Variants in PPFIA3 observed in about 807,000 individuals in gnomAD.
PPFIA3 encodes the protein liprin-alpha-3.
Under a neutral mutation model 145.8 loss-of-function variants are expected in PPFIA3, and 26 were observed. The observed-to-expected ratio is 0.18, with a 90% CI of 0.13 to 0.25. PPFIA3 has a LOEUF of 0.25. Ranked by LOEUF, PPFIA3 falls within the 10% of genes least tolerant of loss-of-function variation. The pLI, the probability that PPFIA3 is intolerant of heterozygous loss-of-function variation, is 1.00. For synonymous variants in PPFIA3, 645 were observed against 661.4 expected (o/e 0.98, Z 0.38); for missense variants, 1,008 against 1,587.8 (o/e 0.63, Z 6.21).
chr19:49,130,234 C>CTCCT lies in PPFIA3; in HGVS notation c.658-141_658-138dup. 8.9e-7 allele frequency: 1 copy of CTCCT among 1,124,244 alleles called. No individual in the cohort carries two copies. The highest frequency in any genetic ancestry group is 1.3e-6 in the Non-Finnish European group (1 of 798,854). 69.6% of individuals were successfully genotyped at this position (1,124,244 alleles called of 1,614,324 possible). A position where few individuals can be genotyped will look rare whatever the true frequency, so the allele number is the denominator to read the frequency against. ...AGGTCACCTAGCGAACTTCTGTGACCTCCTTCACTGACCCCCGTGGACTCT... is the reference window on the plus strand; with the variant it reads ...AGGTCACCTAGCGAACTTCTGTGACCTCCTTCCTTCACTGACCCCCGTGGACTCT... On this transcript the variant is annotated intron_variant, in intron 6 of 29. Coordinates refer to ENST00000334186, the MANE Select transcript of PPFIA3 (RefSeq NM_003660.4). The surrounding 1 kb of genome is among the most constrained non-coding windows in gnomAD (Gnocchi z 4.5).
At chr19:49,123,526 C>T (rs996843454) in intron 1 of PPFIA3, among the ~76,000 whole-genome samples, 16 of 151,696 alleles carry the variant, frequency 1.1e-4, no homozygotes, top group Admixed American at 4.6e-4. Flanking sequence ...CTGCAACCTC[C>T]GCCTCCCGTG....
At position 49,146,151 on chromosome 19, in the gene PPFIA3, C is replaced by T; in HGVS notation, c.2809-15C>T. 5.6e-6 allele frequency: 9 copies of T among 1,614,186 alleles called. No individual in the cohort carries two copies. Among genetic ancestry groups the T allele is most frequent in the Non-Finnish European group, 7.6e-6 (9 of 1,180,020 alleles). On this transcript the variant is annotated splice_polypyrimidine_tract_variant and intron_variant, in intron 22 of 29. Coordinates refer to ENST00000334186, the MANE Select transcript of PPFIA3 (RefSeq NM_003660.4). ...AACTCACCCCTTCTCTCCCCTCTTC[C>T]TACTAACGGGTCAGGAGACCAAGGA...
chr19:49,127,473 CCTGTAGTCGCAG>C (rs1047037202), intron 1 of PPFIA3, among the ~76,000 whole-genome samples: 2 of 150,268 alleles, frequency 1.3e-5, no homozygotes, highest in Admixed American at 1.3e-4. Context: ...CTGGTGTGTG[CCTGTAGTCGCAG>C]CTACTCAGGA....
At chr19:49,144,444 T>G (rs201088036) in intron 21 of PPFIA3, among the ~76,000 whole-genome samples, 2 of 152,212 alleles carry the variant, frequency 1.3e-5, no homozygotes, top group East Asian at 3.8e-4. Flanking sequence ...CCAAGCACTG[T>G]GGCTCACACC....
At chr19:49,146,110 C>G in intron 22 of PPFIA3, 56 bp from the exon 23 acceptor site, 2 of 1,611,696 alleles carry the variant, frequency 1.2e-6, no homozygotes, top group Non-Finnish European at 1.7e-6. Flanking sequence ...CTTGCGTCCT[C>G]CTCTGCCTGC....
chr19:49,119,987 C>T (rs191115451), intron 1 of PPFIA3, among the ~76,000 whole-genome samples: 1 of 152,134 alleles, frequency 6.6e-6, no homozygotes, highest in Non-Finnish European at 1.5e-5. Context: ...CCCGGGACCC[C>T]TCCTAGAGCC....
chr19:49,132,009 CAAA>C (rs34793375), intron 7 of PPFIA3, among the ~76,000 whole-genome samples: 4 of 69,886 alleles, frequency 5.7e-5, no homozygotes, highest in Non-Finnish European at 9.4e-5. Context: ...GACTCCGTCT[CAAA>C]AAAAAAAAAA....
In PPFIA3 at chr19:49,150,859, C is replaced by T. The variant is rs1437153108; in HGVS notation, c.*637C>T. On this transcript the variant is annotated 3_prime_UTR_variant, in exon 30 of 30. Coordinates refer to ENST00000334186, the MANE Select transcript of PPFIA3 (RefSeq NM_003660.4). Reference sequence around the variant, plus strand: ...GGCGCAGAATGGCGCTTCCCCTTCTCCTCTGGCTCCGGGGTTTGCATGGGA... The same window carrying T: ...GGCGCAGAATGGCGCTTCCCCTTCTTCTCTGGCTCCGGGGTTTGCATGGGA... The T allele has an allele frequency of 6.3e-6, 1 of 159,184 alleles. No homozygotes were observed. The highest frequency in any genetic ancestry group is 1.4e-5 in the Non-Finnish European group (1 of 72,732). The allele number at this position is 159,184 out of a possible 1,614,324, so 9.9% of individuals were successfully genotyped here. A position where few individuals can be genotyped will look rare whatever the true frequency, so the allele number is the denominator to read the frequency against.
chr19:49,149,057 T>C lies in PPFIA3; in HGVS notation c.3174T>C (p.Phe1058=), dbSNP rs775059470. ...TGTCCGGGCTGGGCCTGAAGGAATT[T>C]GCCACGAACCTCACGGAGAGCGGGG... The part of the protein sequence containing the change: ...GWVSGLGLKE[F]ATNLTESGVH... The change falls in exon 26 of 30, where the codon TTT becomes TTC. Residue 1058 remains phenylalanine (F), a synonymous_variant. Transcript: ENST00000334186. The surrounding 1 kb of genome is among the most constrained non-coding windows in gnomAD (Gnocchi z 5.7). 1 of 1,614,122 alleles carries C rather than the reference T, an allele frequency of 6.2e-7. No homozygotes were observed. Among genetic ancestry groups the C allele is most frequent in the East Asian group, 2.2e-5 (1 of 44,872 alleles).
At chr19:49,143,052 C>A in intron 21 of PPFIA3, 48 bp downstream of exon 21, 1 of 1,575,228 alleles carries the variant, frequency 6.3e-7, no homozygotes. Flanking sequence ...CAGAGCCCCG[C>A]CTCTTGCCCT....
intron 15 of PPFIA3, 106 bp downstream of exon 15, chr19:49,137,017 T>C (rs2041146661): frequency 9.1e-7 from 1 of 1,099,744 alleles, no homozygotes; most frequent in Non-Finnish European, 1.2e-6. Context: ...TCTTACACCA[T>C]CCACAAGGAA....
In PPFIA3 at chr19:49,150,285, T is replaced by C; in HGVS notation, c.*63T>C. On this transcript the variant is annotated 3_prime_UTR_variant, in exon 30 of 30. Transcript: ENST00000334186. ...CTTCCCGAGGCTGGGCTGTTCCCTC[T>C]CCTGCCCGGACTGTGGCCTCGCCGG... The C allele has an allele frequency of 1.2e-6, 1 of 868,628 alleles. No individual in the cohort carries two copies. The highest frequency in any genetic ancestry group is 1.7e-6 in the Non-Finnish European group (1 of 576,792). 53.8% of individuals were successfully genotyped at this position (868,628 alleles called of 1,614,324 possible).
rs1193630592 is a variant in PPFIA3 at position 49,145,931 on chromosome 19, C to T, written c.2746-12C>T. ...CCTCTCCCACCATCCATTAACACTC[C>T]CTGCCCCTCAGTCCACAGGAAACGT... On this transcript the variant is annotated splice_polypyrimidine_tract_variant and intron_variant, in intron 21 of 29. Coordinates refer to ENST00000334186, the MANE Select transcript of PPFIA3 (RefSeq NM_003660.4). 1 of 1,613,616 alleles carries T rather than the reference C, an allele frequency of 6.2e-7. No homozygotes were observed. Among genetic ancestry groups the T allele is most frequent in the Admixed American group, 1.7e-5 (1 of 60,024 alleles).
In PPFIA3 at chr19:49,128,260, C is replaced by T; in HGVS notation, c.241-107C>T. 1 of 1,492,316 alleles carries T rather than the reference C, an allele frequency of 6.7e-7. No individual in the cohort carries two copies. The allele number at this position is 1,492,316 out of a possible 1,614,324, so 92.4% of individuals were successfully genotyped here. On this transcript the variant is annotated intron_variant, in intron 2 of 29. Coordinates refer to ENST00000334186, the MANE Select transcript of PPFIA3 (RefSeq NM_003660.4). This position sits in a 1 kb window ranked among gnomAD's most constrained non-coding sequence, Gnocchi z 4.1. Reference sequence around the variant, plus strand: ...GCGGGGCCTGAGTGGCAAGGGACAGCGGGACTTAGCAGGGAGGGCGGGACC... The same window carrying T: ...GCGGGGCCTGAGTGGCAAGGGACAGTGGGACTTAGCAGGGAGGGCGGGACC...
intron 19 of PPFIA3, 102 bp downstream of exon 19, chr19:49,141,615 TGA>T (rs919834150): frequency 2.4e-5 from 22 of 912,894 alleles, no homozygotes; most frequent in African/African-American, 1.2e-4. Flanking sequence ...TGTGTGTGTG[TGA>T]GAGGGTGTGT....
chr19:49,144,493 C>G (rs879418642), intron 21 of PPFIA3, among the ~76,000 whole-genome samples: 2 of 152,012 alleles, frequency 1.3e-5, no homozygotes, highest in Admixed American at 6.6e-5. Flanking sequence ...GATGGCCGAT[C>G]TCTTGAACCC....
At chr19:49,122,333 C>G (rs1475759991) in intron 1 of PPFIA3, among the ~76,000 whole-genome samples, 2 of 152,028 alleles carry the variant, frequency 1.3e-5, no homozygotes, top group Non-Finnish European at 2.9e-5. Context: ...TCACCTGCCT[C>G]GGCCTCCCAA....
At chr19:49,131,115 C>T (rs1380356547) in intron 7 of PPFIA3, among the ~76,000 whole-genome samples, 7 of 148,484 alleles carry the variant, frequency 4.7e-5, no homozygotes, top group African/African-American at 1.5e-4. Context: ...CCGCCCACCT[C>T]GGCCTCCCAA....
rs771832372 is a variant in PPFIA3, at chr19:49,149,517, C to A, written c.3355-30C>A. The A allele has an allele frequency of 2.5e-6, 4 of 1,613,406 alleles. No individual in the cohort carries two copies. Among genetic ancestry groups the A allele is most frequent in the Non-Finnish European group, 3.4e-6 (4 of 1,179,730 alleles). ...GGCGGAGTCAGACAAGGCAGGAGTC[C>A]CTCACCGGCTGTCCGGCTCCTATAC... On this transcript the variant is annotated intron_variant, in intron 27 of 29. Coordinates refer to ENST00000334186, the MANE Select transcript of PPFIA3 (RefSeq NM_003660.4). This position sits in a 1 kb window ranked among gnomAD's most constrained non-coding sequence, Gnocchi z 5.7.
Sources: gnomAD v4.1 joint callset for allele counts (sites outside exome capture counted in the v4.1 genomes callset) on GRCh38, gnomAD v4.1.1 for gene constraint, Gnocchi (gnomAD v3.1) non-coding constraint, MANE v1.5 for transcripts, NCBI Gene and HGNC (gene_info 2026-07-23, HGNC 2026-07-21) for gene names.